KIAA1671: variants seen among roughly 807,000 people sequenced by gnomAD.
KIAA1671 encodes uncharacterized protein KIAA1671.
KIAA1671 carries 52 observed loss-of-function variants against 131.2 expected under a neutral mutation model. The observed-to-expected ratio is 0.40, with a 90% CI of 0.32 to 0.50. The LOEUF is 0.50. KIAA1671 is among the 20% of genes least tolerant of loss of function. The pLI is 0.73. For synonymous variants in KIAA1671, 1,003 were observed against 961.6 expected, an observed-to-expected ratio of 1.04 and a Z score of -0.80; for missense variants, 2,360 against 2,364.2, an observed-to-expected ratio of 1.00 and a Z score of 0.04.
intron 1 of KIAA1671, chr22:25,013,119 A>G (rs934053614): frequency 7.9e-5 from 12 of 152,214 alleles, no homozygotes; most frequent in African/African-American, 2.7e-4. Flanking sequence ...TATGCAAGGC[A>G]TTGAATCAAG....
intron 6 of KIAA1671, among the ~76,000 whole-genome samples, chr22:25,169,489 G>T (rs543843095): frequency 6.6e-6 from 1 of 150,852 alleles, no homozygotes; most frequent in African/African-American, 2.4e-5. Flanking sequence ...AGCCAAGGCC[G>T]TCTGAGTCAT....
intron 6 of KIAA1671, among the ~76,000 whole-genome samples, chr22:25,155,653 G>T (rs531008127): frequency 6.6e-6 from 1 of 152,104 alleles, no homozygotes; most frequent in Admixed American, 6.5e-5. Context: ...GCATTTGTGT[G>T]TGCATATGTA....
chr22:25,005,246 G>T (rs1924683088), intron 1 of KIAA1671, among the ~76,000 whole-genome samples: 1 of 151,206 alleles, frequency 6.6e-6, no homozygotes, highest in African/African-American at 2.4e-5. Context: ...TACTCAGGAG[G>T]CTGAGGCAGC....
At chr22:24,982,449 G>A (rs1923287155) in intron 1 of KIAA1671, among the ~76,000 whole-genome samples, 1 of 152,340 alleles carries the variant, frequency 6.6e-6, no homozygotes, top group South Asian at 2.1e-4. Flanking sequence ...CCGTGAGTCA[G>A]TGCTATTTAA....
chr22:25,074,514 A>AG (rs1555876094), intron 6 of KIAA1671, among the ~76,000 whole-genome samples: 7 of 117,426 alleles, frequency 6.0e-5, no homozygotes, highest in African/African-American at 2.2e-4. Flanking sequence ...AAAAAAAAAA[A>AG]AAAGAAAGAA....
At chr22:25,164,629 C>T (rs1933575496) in intron 6 of KIAA1671, among the ~76,000 whole-genome samples, 1 of 152,170 alleles carries the variant, frequency 6.6e-6, no homozygotes, top group Admixed American at 6.5e-5. Flanking sequence ...TGCCTTAAAG[C>T]TAATAAAACA....
At chr22:25,185,606 G>C (rs1464667897) in intron 11 of KIAA1671, 1 of 151,640 alleles carries the variant, frequency 6.6e-6, no homozygotes, top group African/African-American at 2.5e-5. Context: ...GTAGAGACGA[G>C]CACAAAGCAG....
intron 1 of KIAA1671, among the ~76,000 whole-genome samples, chr22:25,015,833 G>T (rs373071603): frequency 8.2e-6 from 1 of 121,884 alleles, no homozygotes; most frequent in Non-Finnish European, 1.8e-5. Flanking sequence ...CAGATGTACC[G>T]CACTCTGATG....
chr22:25,179,378 C>CCGCTCGCGCAGT, intron 9 of KIAA1671: 1 of 1,606,538 alleles, frequency 6.2e-7, no homozygotes, highest in Non-Finnish European at 8.5e-7. Flanking sequence ...CCTCGCGCAG[C>CCGCTCGCGCAGT]CGCTCGCGCA....
intron 4 of KIAA1671, among the ~76,000 whole-genome samples, chr22:25,038,163 T>C (rs1926718338): frequency 6.6e-6 from 1 of 152,048 alleles, no homozygotes; most frequent in Non-Finnish European, 1.5e-5. Context: ...AGATTATTAT[T>C]ATTTTATTTT....
chr22:25,048,889 C>T (rs9624708), intron 5 of KIAA1671: 2,770 of 189,496 alleles, frequency 0.015, 85 homozygotes, highest in African/African-American at 0.061. Context: ...CACGTCTGCC[C>T]CCTGGTGGCT....
chr22:25,124,316 CT>C (rs1370300281), intron 6 of KIAA1671, among the ~76,000 whole-genome samples: 17 of 152,236 alleles, frequency 1.1e-4, no homozygotes, highest in Non-Finnish European at 1.5e-5. Context: ...CAGAGAAGTT[CT>C]GTCAGATTGC....
At position 25,185,020 on chromosome 22, in the gene KIAA1671, C is replaced by A. The variant is rs1291819474; in HGVS notation, c.5243C>A (p.Thr1748Asn). ...KRPEVDSPGE[T>N]PSWAPQPKSP... ...CCAGAGGTGGACAGTCCTGGCGAGA[C>A]CCCCAGCTGGGCACCCCAACCCAAG... Residue 1748 changes from threonine (T) to asparagine (N), a missense_variant, in exon 11 of 13, where the codon ACC (threonine) becomes AAC (asparagine). Physicochemically the swap from Thr to Asn is moderately conservative, Grantham distance 65. Coordinates refer to ENST00000358431, the MANE Select transcript of KIAA1671 (RefSeq NM_001145206.2). The A allele has an allele frequency of 6.4e-7, 1 of 1,551,592 alleles. No individual in the cohort carries two copies. Among genetic ancestry groups the A allele is most frequent in the South Asian group, 1.2e-5 (1 of 84,058 alleles).
chr22:25,174,400 A>G lies in KIAA1671; in HGVS notation c.4810A>G (p.Thr1604Ala). The G allele has an allele frequency of 1.3e-6, 2 of 1,551,890 alleles. No homozygotes were observed. Among genetic ancestry groups the G allele is most frequent in the Non-Finnish European group, 1.7e-6 (2 of 1,147,008 alleles). ...QRSTSVDHSS[T>A]DLESTDGMEG... ...GAGCACCAGCGTGGACCACTCCAGC[A>G]CTGACCTGGAATCCACCGATGGGAT... Residue 1604 changes from threonine to alanine, a missense_variant, in exon 8 of 13, where the codon ACT becomes GCT. Coordinates refer to ENST00000358431, the MANE Select transcript of KIAA1671 (RefSeq NM_001145206.2).
chr22:25,028,066 G>T lies in KIAA1671; in HGVS notation c.67G>T (p.Gly23Cys). 1 of 1,549,652 alleles carries T rather than the reference G, an allele frequency of 6.5e-7. No individual in the cohort carries two copies. The highest frequency in any genetic ancestry group is 1.2e-5 in the South Asian group (1 of 83,832). Residue 23 changes from glycine (G) to cysteine (C), a missense_variant, in exon 3 of 13, where the codon GGC becomes TGC. Gly to Cys is a radical substitution (Grantham distance 159, BLOSUM62 -3). Coordinates refer to ENST00000358431, the MANE Select transcript of KIAA1671 (RefSeq NM_001145206.2). ...GGCCGTGCCAGGCCTGGGTGAGATG[G>T]GCAAGGAGGAGACCCTGACGAGGAC... ...LTAVPGLGEM[G>C]KEETLTRTYF...
intron 1 of KIAA1671, among the ~76,000 whole-genome samples, chr22:25,004,397 A>G (rs573891178): frequency 6.6e-6 from 1 of 152,312 alleles, no homozygotes; most frequent in East Asian, 1.9e-4. Flanking sequence ...GGAGTGAGCC[A>G]CCATACCCAA....
intron 6 of KIAA1671, among the ~76,000 whole-genome samples, chr22:25,113,674 C>T (rs1186792792): frequency 1.3e-5 from 2 of 152,176 alleles, no homozygotes; most frequent in East Asian, 1.9e-4. Context: ...AGGCAGGAGC[C>T]GAGCACTTGG....
At chr22:25,032,719 GTC>G (rs1926358977) in intron 4 of KIAA1671, 23 bp downstream of exon 4, 2 of 1,470,670 alleles carry the variant, frequency 1.4e-6, no homozygotes, top group African/African-American at 1.4e-5. Context: ...TGTGTAGCAC[GTC>G]TCTCATTAAC....
chr22:25,040,225 A>C lies in KIAA1671; in HGVS notation c.3095A>C (p.Tyr1032Ser), dbSNP rs1055663972. 2 of 1,551,750 alleles carry C rather than the reference A, an allele frequency of 1.3e-6. 1 individual carries two copies. The highest frequency in any genetic ancestry group is 2.4e-5 in the South Asian group (2 of 84,058). Residue 1032 changes from tyrosine to serine, a missense_variant, in exon 5 of 13, where the codon TAT becomes TCT. By Grantham distance (144) the Tyr-to-Ser change is moderately radical (BLOSUM62 -2). Around this residue, in one of 3 missense-constraint regions of KIAA1671, gnomAD observed 1,161 missense variants for 1,204.7 expected, o/e 0.96. Transcript: ENST00000358431. ...AAGGCGACATTTTTTGCAGTCACCTATCAGATTCCCAATACTCAAAAGGCA... is the reference window on the plus strand; with the variant it reads ...AAGGCGACATTTTTTGCAGTCACCTCTCAGATTCCCAATACTCAAAAGGCA... ...EPKATFFAVT[Y>S]QIPNTQKAKG...
Sources: gnomAD v4.1 joint callset for allele counts (sites outside exome capture counted in the v4.1 genomes callset) on GRCh38, gnomAD v4.1.1 for gene constraint, gnomAD v4.1.1 regional missense constraint, MANE v1.5 for transcripts, NCBI Gene and HGNC (gene_info 2026-07-23, HGNC 2026-07-21) for gene names.